The following PRRC1 variants were observed in gnomAD, a reference collection of about 807,000 sequenced individuals.
The protein encoded by PRRC1 is protein PRRC1.
Under a neutral mutation model 40.7 loss-of-function variants are expected in PRRC1, and 39 were observed. The ratio of observed to expected loss-of-function variants is 0.96; its 90% CI spans 0.74 to 1.25. PRRC1 has a LOEUF of 1.25. Among genes scored for constraint, PRRC1 ranks in the 50% most tolerant of loss-of-function variants. The pLI is 0.00. For missense variants in PRRC1, 573 were observed against 548.3 expected, an observed-to-expected ratio of 1.05 and a Z score of -0.45; for synonymous variants, 175 against 193.3, an observed-to-expected ratio of 0.91 and a Z score of 0.79.
chr5:127,520,950 A>AT (rs199734435), intron 1 of PRRC1, among the ~76,000 whole-genome samples: 64 of 149,918 alleles, frequency 4.3e-4, no homozygotes, highest in Non-Finnish European at 6.7e-4. Flanking sequence ...CTGTTTCTAC[A>AT]TTTTTTTTTT....
At position 127,539,152 on chromosome 5, in the gene PRRC1, A is replaced by T. The variant is rs775672631; in HGVS notation, c.1025+9A>T. ...GAATTGCTGCCTGACAAGTAAGTGT[A>T]TTATGTTTCTCTTGGAAGCAAAATA... On this transcript the variant is annotated intron_variant, in intron 7 of 8. Transcript: ENST00000296666. 1.9e-6 allele frequency: 3 copies of T among 1,606,348 alleles called. No individual in the cohort carries two copies. In the African/African-American group the frequency reaches 4.0e-5, roughly 21 times the overall value.
At chr5:127,520,495 T>G (rs1466581409) in intron 1 of PRRC1, among the ~76,000 whole-genome samples, 1 of 152,188 alleles carries the variant, frequency 6.6e-6, no homozygotes, top group East Asian at 1.9e-4. Flanking sequence ...AGGAACCAAT[T>G]TGATATATGC....
Position 127,552,025 on chromosome 5 carries a change from A to G in PRRC1, c.*109A>G, listed in dbSNP as rs1768404824. The G allele has an allele frequency of 4.7e-6, 7 of 1,490,814 alleles. No individual in the cohort carries two copies. The highest frequency in any genetic ancestry group is 6.3e-6 in the Non-Finnish European group (7 of 1,117,730). The allele number at this position is 1,490,814 out of a possible 1,614,324, so 92.3% of individuals were successfully genotyped here. On this transcript the variant is annotated 3_prime_UTR_variant, in exon 9 of 9. Transcript: ENST00000296666. Reference sequence around the variant, plus strand: ...AGTCTAAATGAATCCAGTAGTTTTTATCATTTTCCTGTAGCCTGCAATTTT... The same window carrying G: ...AGTCTAAATGAATCCAGTAGTTTTTGTCATTTTCCTGTAGCCTGCAATTTT...
intron 2 of PRRC1, chr5:127,523,835 G>C: frequency 3.0e-6 from 1 of 332,472 alleles, no homozygotes; most frequent in Non-Finnish European, 5.4e-6. Context: ...TTTATATTAT[G>C]GCAGAAATAT....
chr5:127,528,323 C>A (rs1445006961), intron 4 of PRRC1, among the ~76,000 whole-genome samples: 1 of 151,116 alleles, frequency 6.6e-6, no homozygotes, highest in Non-Finnish European at 1.5e-5. Context: ...CTTTTCTTTT[C>A]TCTTTTTTGA....
At chr5:127,523,418 T>C in intron 1 of PRRC1, 42 bp from the exon 2 acceptor site, 2 of 907,096 alleles carry the variant, frequency 2.2e-6, no homozygotes, top group South Asian at 2.1e-5. Flanking sequence ...AATATACTTT[T>C]GGTTACTGTG....
At chr5:127,527,754 T>C (rs76803564) in intron 4 of PRRC1, among the ~76,000 whole-genome samples, 3,354 of 108,450 alleles carry the variant, frequency 0.031, 147 homozygotes, top group African/African-American at 0.12. Flanking sequence ...TGAGACACTG[T>C]CTCAAAAAAA....
At position 127,554,888 on chromosome 5, in the gene PRRC1, CTTTGTAG is replaced by C; in HGVS notation, c.*2977_*2983del. ...TGGCTAGAAAAAATTATAAACAGGA[CTTTGTAG>C]TTTGGGAAGCCAAATTGATAATATT... On this transcript the variant is annotated 3_prime_UTR_variant, in exon 9 of 9. Coordinates refer to ENST00000296666, the MANE Select transcript of PRRC1 (RefSeq NM_130809.5). 1 of 152,576 alleles carries C rather than the reference CTTTGTAG, an allele frequency of 6.6e-6. No homozygotes were observed. Among genetic ancestry groups the C allele is most frequent in the African/African-American group, 2.4e-5 (1 of 41,518 alleles). The allele number at this position is 152,576 out of a possible 1,614,324, so 9.5% of individuals were successfully genotyped here. A position where few individuals can be genotyped will look rare whatever the true frequency, so the allele number is the denominator to read the frequency against.
intron 7 of PRRC1, among the ~76,000 whole-genome samples, chr5:127,544,969 G>T (rs992869946): frequency 6.6e-6 from 1 of 152,210 alleles, no homozygotes; most frequent in Non-Finnish European, 1.5e-5. Flanking sequence ...CCCGTCTTCT[G>T]CGTCGCTCAC....
chr5:127,518,122 T>C (rs1474228509), intron 1 of PRRC1: 1 of 152,396 alleles, frequency 6.6e-6, no homozygotes, highest in Non-Finnish European at 1.5e-5. Context: ...GGGCGCTGAC[T>C]TTAGGGGAGA....
chr5:127,536,830 A>G (rs1356922595), intron 6 of PRRC1, among the ~76,000 whole-genome samples: 3 of 152,048 alleles, frequency 2.0e-5, no homozygotes, highest in Non-Finnish European at 4.4e-5. Flanking sequence ...ATTGAAACTA[A>G]TATATAAGAA....
chr5:127,548,085 C>A, intron 8 of PRRC1, 164 bp downstream of exon 8: 1 of 684,544 alleles, frequency 1.5e-6, no homozygotes, highest in South Asian at 1.6e-5. Flanking sequence ...CTGATCCTTC[C>A]ATGTTGTTTT....
chr5:127,531,806 G>T (rs941775468), intron 5 of PRRC1, among the ~76,000 whole-genome samples: 4 of 150,960 alleles, frequency 2.6e-5, no homozygotes, highest in Admixed American at 6.6e-5. Context: ...GTAGAGACGG[G>T]GTTTCTCCAT....
At chr5:127,528,505 C>A (rs186383371) in intron 4 of PRRC1, among the ~76,000 whole-genome samples, 2 of 151,914 alleles carry the variant, frequency 1.3e-5, no homozygotes, top group Non-Finnish European at 2.9e-5. Context: ...TTAGTAGAGA[C>A]GGGGGTTCAC....
chr5:127,533,475 A>G (rs1767824790), intron 5 of PRRC1, 148 bp from the exon 6 acceptor site: 2 of 730,898 alleles, frequency 2.7e-6, no homozygotes, highest in Non-Finnish European at 4.3e-6. Flanking sequence ...TTTCTCAAGC[A>G]TATAAAAAAG....
chr5:127,540,195 A>C (rs1315413842), intron 7 of PRRC1, among the ~76,000 whole-genome samples: 2 of 152,128 alleles, frequency 1.3e-5, no homozygotes, highest in Non-Finnish European at 2.9e-5. Flanking sequence ...TTTCTATGTA[A>C]GCACTGAGAA....
intron 7 of PRRC1, 110 bp downstream of exon 7, chr5:127,539,253 T>C: frequency 5.4e-6 from 4 of 739,594 alleles, no homozygotes; most frequent in South Asian, 5.1e-5. Flanking sequence ...GAAAAGTATA[T>C]TTTGATGCTG....
intron 1 of PRRC1, among the ~76,000 whole-genome samples, chr5:127,521,905 C>G (rs1402179715): frequency 6.6e-6 from 1 of 152,132 alleles, no homozygotes; most frequent in Admixed American, 6.5e-5. Flanking sequence ...TTTGGGGAAC[C>G]CTTTCCTTAC....
intron 3 of PRRC1, among the ~76,000 whole-genome samples, chr5:127,526,389 C>T (rs1191630953): frequency 6.6e-6 from 1 of 152,132 alleles, no homozygotes; most frequent in Non-Finnish European, 1.5e-5. Context: ...TGGATATACG[C>T]TTTTTGTCCA....
Sources: allele counts gnomAD v4.1 joint callset (sites outside exome capture counted in the v4.1 genomes callset), GRCh38; gene constraint gnomAD v4.1.1; transcripts MANE v1.5; gene names NCBI Gene and HGNC (gene_info 2026-07-23, HGNC 2026-07-21).